LRP12: variants seen among roughly 807,000 people sequenced by gnomAD.
LRP12 encodes the protein low-density lipoprotein receptor-related protein 12.
LRP12 carries 14 observed loss-of-function variants against 66.0 expected under a neutral mutation model. That is an observed-to-expected ratio of 0.21 (90% CI 0.14 to 0.33). LRP12 has a LOEUF of 0.33. LRP12 is among the 10% of genes least tolerant of loss of function. The pLI, the probability that LRP12 is intolerant of heterozygous loss-of-function variation, is 1.00. For synonymous variants in LRP12, 357 were observed against 359.1 expected, an observed-to-expected ratio of 0.99 and a Z score of 0.07; for missense variants, 889 against 1,053.4, an observed-to-expected ratio of 0.84 and a Z score of 2.16.
chr8:104,548,042 C>T, intron 1 of LRP12, among the ~76,000 whole-genome samples: 4 of 109,434 alleles, frequency 3.7e-5, no homozygotes, highest in East Asian at 2.6e-4. Flanking sequence ...ATATATAATT[C>T]TGTTATATTA....
chr8:104,559,477 C>T (rs73295174), intron 1 of LRP12, among the ~76,000 whole-genome samples: 2,573 of 151,924 alleles, frequency 0.017, 73 homozygotes, highest in African/African-American at 0.058. Flanking sequence ...GAGGGGTGAG[C>T]GATAAAAGAC....
intron 2 of LRP12, among the ~76,000 whole-genome samples, chr8:104,519,846 T>A (rs1811121732): frequency 6.6e-6 from 1 of 152,056 alleles, no homozygotes; most frequent in Non-Finnish European, 1.5e-5. Flanking sequence ...TAAGACTGAA[T>A]ACAGCAATAT....
intron 1 of LRP12, among the ~76,000 whole-genome samples, chr8:104,556,326 A>G (rs2140884029): frequency 6.6e-6 from 1 of 152,286 alleles, no homozygotes; most frequent in Non-Finnish European, 1.5e-5. Context: ...GAAACAAATA[A>G]AAACAATACA....
intron 1 of LRP12, among the ~76,000 whole-genome samples, chr8:104,570,447 GAATAT>G (rs1428280697): frequency 6.6e-6 from 1 of 152,150 alleles, no homozygotes; most frequent in Non-Finnish European, 1.5e-5. Context: ...CAATGGAACA[GAATAT>G]AATCCAGAAA....
intron 1 of LRP12, among the ~76,000 whole-genome samples, chr8:104,548,164 T>TATA (rs1564141795): frequency 0.043 from 1,981 of 45,638 alleles, 117 homozygotes; most frequent in African/African-American, 0.21. Flanking sequence ...TAATAATTAT[T>TATA]ATATATAATA....
At chr8:104,574,142 C>T (rs1355611979) in intron 1 of LRP12, among the ~76,000 whole-genome samples, 1 of 152,108 alleles carries the variant, frequency 6.6e-6, no homozygotes, top group South Asian at 2.1e-4. Flanking sequence ...GACAATGCCA[C>T]TATTCTCAAA....
intron 2 of LRP12, among the ~76,000 whole-genome samples, chr8:104,524,224 A>G (rs1811194021): frequency 7.0e-6 from 1 of 143,276 alleles, no homozygotes; most frequent in South Asian, 2.3e-4. Context: ...CCTGGGTGAC[A>G]AAGTCAGACC....
chr8:104,512,791 ATATTT>A (rs1811017403), intron 2 of LRP12, among the ~76,000 whole-genome samples: 1 of 152,174 alleles, frequency 6.6e-6, no homozygotes, highest in African/African-American at 2.4e-5. Flanking sequence ...CATTTTGTGA[ATATTT>A]TATTTTCATG....
At position 104,542,994 on chromosome 8, in the gene LRP12, A is replaced by AATATAAATATAT. The variant is rs544043214; in HGVS notation, c.80-11032_80-11031insATATATTTATAT. 1.4e-4 allele frequency among the ~76,000 whole-genome samples: 20 copies of AATATAAATATAT among 144,116 alleles called. 3 individuals carry two copies. Among genetic ancestry groups the AATATAAATATAT allele is most frequent in the African/African-American group, 5.2e-4 (20 of 38,360 alleles). The allele number at this position is 144,116 out of a possible 152,430, so 94.5% of individuals were successfully genotyped here. On this transcript the variant is annotated intron_variant, in intron 1 of 6. Transcript: ENST00000276654. ...TGCGTGTGTTTATAGAACACACACA[A>AATATAAATATAT]ATATATATATATATATATAAATATA...
intron 1 of LRP12, among the ~76,000 whole-genome samples, chr8:104,571,846 C>T (rs1812084627): frequency 6.6e-6 from 1 of 152,230 alleles, no homozygotes; most frequent in Non-Finnish European, 1.5e-5. Context: ...TTCATTCCAA[C>T]ACCATCCTCC....
chr8:104,572,666 T>C (rs1812100139), intron 1 of LRP12, among the ~76,000 whole-genome samples: 1 of 151,126 alleles, frequency 6.6e-6, no homozygotes, highest in African/African-American at 2.4e-5. Context: ...ATTTTAAAAA[T>C]AATATTATTT....
chr8:104,579,867 G>A (rs1331838142), intron 1 of LRP12, among the ~76,000 whole-genome samples: 3 of 151,864 alleles, frequency 2.0e-5, no homozygotes, highest in African/African-American at 4.9e-5. Context: ...TGGGGTAACC[G>A]GCTAGTCATA....
Position 104,491,599 on chromosome 8 carries a change from A to AC in LRP12, c.1714-61_1714-60insG, listed in dbSNP as rs987531404. 2.2e-5 allele frequency: 29 copies of AC among 1,315,448 alleles called. No homozygotes were observed. The Admixed American group carries it at 2.3e-4, about 10-fold the overall frequency. 81.5% of individuals were successfully genotyped at this position (1,315,448 alleles called of 1,614,324 possible). ...CAACAAGGTACTAAGATAAAAAAAA[A>AC]AAAAAACACCCTTCTATTAAGAATG... On this transcript the variant is annotated intron_variant, in intron 6 of 6. Coordinates refer to ENST00000276654, the MANE Select transcript of LRP12 (RefSeq NM_013437.5).
intron 1 of LRP12, among the ~76,000 whole-genome samples, chr8:104,568,036 C>T (rs906006391): frequency 5.9e-5 from 9 of 152,086 alleles, no homozygotes; most frequent in African/African-American, 1.7e-4. Flanking sequence ...TACTACAAAG[C>T]GACACTAATG....
At chr8:104,525,977 A>T (rs979916979) in intron 2 of LRP12, among the ~76,000 whole-genome samples, 4 of 152,230 alleles carry the variant, frequency 2.6e-5, no homozygotes, top group African/African-American at 9.6e-5. Flanking sequence ...AAGCAACTTC[A>T]GCAGTCTCAC....
chr8:104,501,214 A>G (rs117675339), intron 3 of LRP12, among the ~76,000 whole-genome samples: 413 of 152,172 alleles, frequency 2.7e-3, no homozygotes, highest in Non-Finnish European at 4.9e-3. Context: ...TTTCTCTCCA[A>G]TAGTCAGTGT....
chr8:104,498,701 G>A (rs573526754), intron 4 of LRP12, among the ~76,000 whole-genome samples: 1 of 152,238 alleles, frequency 6.6e-6, no homozygotes, highest in East Asian at 1.9e-4. Context: ...ATGTGTGTAT[G>A]TATCTTTATA....
rs1810788662 is a variant in LRP12, at chr8:104,499,399, G to A, written c.393C>T (p.Ile131=). ...TAATCCAGATGTGGTCTTGTGAAGA[G>A]ATATACGGAGGTGGAATTGTGGAAC... ...ACGSTIPPPY[I]SSQDHIWIRF... Residue 131 remains isoleucine (I), a synonymous_variant, in exon 4 of 7, where the codon ATC becomes ATT. Coordinates refer to ENST00000276654, the MANE Select transcript of LRP12 (RefSeq NM_013437.5). The A allele has an allele frequency of 1.2e-6, 2 of 1,613,536 alleles. No homozygotes were observed. Among genetic ancestry groups the A allele is most frequent in the Admixed American group, 1.7e-5 (1 of 59,992 alleles).
At chr8:104,531,333 A>C (rs191232237) in intron 2 of LRP12, among the ~76,000 whole-genome samples, 1 of 152,298 alleles carries the variant, frequency 6.6e-6, no homozygotes, top group East Asian at 1.9e-4. Flanking sequence ...TTTAGTAGTT[A>C]TAAGTCTTTA....
Sources: allele counts gnomAD v4.1 joint callset (sites outside exome capture counted in the v4.1 genomes callset), GRCh38; gene constraint gnomAD v4.1.1; transcripts MANE v1.5; gene names NCBI Gene and HGNC (gene_info 2026-07-23, HGNC 2026-07-21).